The following EFCAB5 variants were observed in gnomAD, a reference collection of about 807,000 sequenced individuals.
The protein encoded by EFCAB5 is EF-hand calcium-binding domain-containing protein 5.
Under a neutral mutation model 167.9 loss-of-function variants are expected in EFCAB5, and 131 were observed. The ratio of observed to expected loss-of-function variants is 0.78; its 90% confidence interval spans 0.68 to 0.90. The LOEUF (loss-of-function observed/expected upper bound fraction) is 0.90. Ranked by LOEUF, EFCAB5 falls within the 40% of genes least tolerant of loss-of-function variation. EFCAB5 has a pLI of 0.00. For missense variants in EFCAB5, 1,663 were observed against 1,745.2 expected (o/e 0.95, Z 0.84); for synonymous variants, 574 against 602.8 (o/e 0.95, Z 0.70).
intron 7 of EFCAB5, among the ~76,000 whole-genome samples, chr17:30,022,245 T>C (rs2069197047): frequency 6.6e-6 from 1 of 152,172 alleles, no homozygotes; most frequent in South Asian, 2.1e-4. Context: ...ATTTACTCAA[T>C]ACAATAATGC....
chr17:30,101,912 A>T lies in EFCAB5; in HGVS notation c.4322-5922A>T, dbSNP rs114568038. Among the ~76,000 whole-genome samples, 654 of 152,376 alleles carry T rather than the reference A, an allele frequency of 4.3e-3. 6 individuals carry two copies. Among genetic ancestry groups the T allele is most frequent in the African/African-American group, 0.015 (633 of 41,596 alleles). ...GATGGGCTGTTGTTAGAGTAACCAT[A>T]CGTTCTATGTTTACCTTGGAACAGC... is the stretch of plus-strand genomic sequence containing the variant. On this transcript the variant is annotated intron_variant, in intron 22 of 22. Transcript: ENST00000394835.
intron 4 of EFCAB5, among the ~76,000 whole-genome samples, chr17:29,990,302 G>A (rs1445486039): frequency 6.6e-6 from 1 of 152,040 alleles, no homozygotes; most frequent in Admixed American, 6.6e-5. Context: ...ATAGTTATAG[G>A]ATGTTTATCA....
intron 4 of EFCAB5, among the ~76,000 whole-genome samples, chr17:29,983,069 G>T (rs1157337801): frequency 6.6e-6 from 1 of 152,222 alleles, no homozygotes; most frequent in Non-Finnish European, 1.5e-5. Context: ...TCATGATTTT[G>T]TAGATTGGTA....
intron 3 of EFCAB5, among the ~76,000 whole-genome samples, chr17:29,960,595 AC>A (rs2067702564): frequency 6.6e-6 from 1 of 151,738 alleles, no homozygotes; most frequent in Non-Finnish European, 1.5e-5. Flanking sequence ...TCCTTCCCCT[AC>A]CCCCAAAATT....
At chr17:29,977,047 A>G (rs996368266) in intron 4 of EFCAB5, among the ~76,000 whole-genome samples, 1 of 152,164 alleles carries the variant, frequency 6.6e-6, no homozygotes. Context: ...GCAATTTTGG[A>G]CAACTGTAAA....
In EFCAB5 at chr17:29,930,525, C is replaced by T. The variant is rs113950623; in HGVS notation, c.-127+1196C>T. 1.9e-3 allele frequency among the ~76,000 whole-genome samples: 286 copies of T among 152,142 alleles called. 1 individual carries two copies. Among genetic ancestry groups the T allele is most frequent in the Admixed American group, 3.6e-3 (55 of 15,284 alleles). On this transcript the variant is annotated intron_variant, in intron 1 of 3. Coordinates refer to the EFCAB5 transcript ENST00000448319. ...ACAACCATTTTATGAGGTGGGGCGGCGCACAGCTTAACCAACCTTAAAAAA... is the reference window on the plus strand; with the variant it reads ...ACAACCATTTTATGAGGTGGGGCGGTGCACAGCTTAACCAACCTTAAAAAA...
intron 6 of EFCAB5, among the ~76,000 whole-genome samples, chr17:29,999,522 A>C (rs910122503): frequency 6.6e-6 from 1 of 152,146 alleles, no homozygotes; most frequent in Non-Finnish European, 1.5e-5. Flanking sequence ...ATTTAATTTA[A>C]GAAACATTAA....
chr17:30,055,765 T>C (rs2070244306), intron 10 of EFCAB5, 123 bp from the exon 11 acceptor site: 3 of 965,244 alleles, frequency 3.1e-6, no homozygotes, highest in Non-Finnish European at 4.6e-6. Context: ...ACTGCATATA[T>C]GGGAAAGTAC....
At chr17:29,937,389 G>A (rs2067254845), upstream of EFCAB5, among the ~76,000 whole-genome samples, 2 of 152,020 alleles carry the variant, frequency 1.3e-5, no homozygotes, top group East Asian at 1.9e-4. Context: ...GTTTCACCAT[G>A]TTGACCAGGC....
At chr17:30,059,487 G>A (rs1597741593) in intron 13 of EFCAB5, 58 bp from the exon 14 acceptor site, 1 of 1,469,472 alleles carries the variant, frequency 6.8e-7, no homozygotes, top group East Asian at 2.3e-5. Context: ...AACACAGAAT[G>A]CTAGCTAGCA....
At chr17:30,047,396 G>A (rs1471101836) in intron 8 of EFCAB5, among the ~76,000 whole-genome samples, 1 of 152,158 alleles carries the variant, frequency 6.6e-6, no homozygotes, top group Non-Finnish European at 1.5e-5. Context: ...CTGTCCTGGG[G>A]ATGATGGTGA....
chr17:30,094,521 A>AT (rs2071259104), intron 22 of EFCAB5, among the ~76,000 whole-genome samples: 1 of 149,432 alleles, frequency 6.7e-6, no homozygotes, highest in East Asian at 1.9e-4. Flanking sequence ...AAAAAAAAAA[A>AT]AAAAAAAAAA....
intron 10 of EFCAB5, among the ~76,000 whole-genome samples, chr17:30,054,375 A>C (rs766879760): frequency 6.6e-6 from 1 of 152,240 alleles, no homozygotes; most frequent in South Asian, 2.1e-4. Flanking sequence ...GTCAATTTAC[A>C]TATAATTTCC....
chr17:30,080,953 T>G lies in EFCAB5; in HGVS notation c.3398T>G (p.Phe1133Cys). The G allele has an allele frequency of 1.2e-6, 2 of 1,613,134 alleles. No homozygotes were observed. Among genetic ancestry groups the G allele is most frequent in the South Asian group, 1.1e-5 (1 of 91,048 alleles). Residue 1133 changes from phenylalanine to cysteine, a missense_variant, in exon 17 of 23, where the codon TTT (phenylalanine) becomes TGT (cysteine). By Grantham distance (205) the Phe-to-Cys change is radical. Coordinates refer to ENST00000394835, the MANE Select transcript of EFCAB5 (RefSeq NM_198529.4). ...AGAGATCCCCACGAAATAAACATCT[T>G]TCTACCTCATGAGATCAGATTCTAT... ...TLRDPHEINI[F>C]LPHEIRFYQG...
chr17:30,084,838 G>A (rs772735400), intron 18 of EFCAB5, among the ~76,000 whole-genome samples: 1 of 152,134 alleles, frequency 6.6e-6, no homozygotes, highest in Non-Finnish European at 1.5e-5. Context: ...GAAGTAGAGT[G>A]CAACTGGGGC....
intron 7 of EFCAB5, among the ~76,000 whole-genome samples, chr17:30,015,088 C>G (rs1007473988): frequency 6.6e-6 from 1 of 152,066 alleles, no homozygotes; most frequent in Non-Finnish European, 1.5e-5. Context: ...GAAATTCTGG[C>G]TTGAAAATTC....
chr17:29,972,147 C>T (rs2067967373), intron 4 of EFCAB5, among the ~76,000 whole-genome samples: 1 of 151,698 alleles, frequency 6.6e-6, no homozygotes, highest in African/African-American at 2.4e-5. Context: ...ACGCCATTCT[C>T]CTACCTCAGC....
At chr17:30,099,972 C>T (rs567885960) in intron 22 of EFCAB5, among the ~76,000 whole-genome samples, 9 of 152,076 alleles carry the variant, frequency 5.9e-5, no homozygotes, top group Non-Finnish European at 1.0e-4. Flanking sequence ...ATTATTCAGA[C>T]ATTGGATCTC....
intron 3 of EFCAB5, among the ~76,000 whole-genome samples, chr17:29,962,632 CTT>C (rs796553756): frequency 4.5e-5 from 5 of 110,416 alleles, no homozygotes; most frequent in Non-Finnish European, 5.4e-5. Context: ...CCATGCCTGG[CTT>C]TTTTTTTTTT....
Sources: allele counts gnomAD v4.1 joint callset (sites outside exome capture counted in the v4.1 genomes callset), GRCh38; gene constraint gnomAD v4.1.1; transcripts MANE v1.5; gene names NCBI Gene and HGNC (gene_info 2026-07-23, HGNC 2026-07-21).